EPYC: variants seen among roughly 807,000 people sequenced by gnomAD.
EPYC encodes the protein dermatan sulfate proteoglycan 3.
In EPYC, 28 loss-of-function variants were observed where a neutral mutation model predicts 30.1. The observed-to-expected ratio is 0.93, with a 90% CI of 0.69 to 1.28. The LOEUF (loss-of-function observed/expected upper bound fraction) is 1.28, where lower values mean the gene tolerates loss of function less well. Among genes scored for constraint, EPYC ranks in the 50% most tolerant of loss-of-function variants. EPYC has a pLI of 0.00. For missense variants in EPYC, 382 were observed against 383.5 expected, an observed-to-expected ratio of 1.00 and a Z score of 0.03; for synonymous variants, 144 against 141.4, an observed-to-expected ratio of 1.02 and a Z score of -0.13.
intron 2 of EPYC, among the ~76,000 whole-genome samples, chr12:90,986,748 C>A (rs1197882434): frequency 6.6e-6 from 1 of 152,006 alleles, no homozygotes; most frequent in Non-Finnish European, 1.5e-5. Flanking sequence ...ACATCGGAAC[C>A]CATATATCTG....
At chr12:90,967,994 T>C (rs1592621502) in intron 6 of EPYC, among the ~76,000 whole-genome samples, 1 of 152,118 alleles carries the variant, frequency 6.6e-6, no homozygotes, top group East Asian at 1.9e-4. Flanking sequence ...AATTAAAAAA[T>C]AAAAATAAGA....
chr12:90,975,056 A>G (rs1877149591), intron 3 of EPYC, among the ~76,000 whole-genome samples: 1 of 152,168 alleles, frequency 6.6e-6, no homozygotes, highest in South Asian at 2.1e-4. Flanking sequence ...TTTGTAATCA[A>G]GAACTAATAA....
At chr12:90,966,418 TTATTC>T (rs1377306981) in intron 6 of EPYC, among the ~76,000 whole-genome samples, 2 of 152,084 alleles carry the variant, frequency 1.3e-5, no homozygotes, top group Non-Finnish European at 2.9e-5. Context: ...TTTAAGCCCT[TTATTC>T]TATTAATATA....
chr12:91,000,402 G>A (rs1367081602), intron 2 of EPYC, among the ~76,000 whole-genome samples: 1 of 152,062 alleles, frequency 6.6e-6, no homozygotes, highest in Non-Finnish European at 1.5e-5. Flanking sequence ...ATTAAGTAAT[G>A]TTTATACAGA....
chr12:90,997,856 T>C (rs1877730928), intron 2 of EPYC, among the ~76,000 whole-genome samples: 1 of 152,076 alleles, frequency 6.6e-6, no homozygotes, highest in South Asian at 2.1e-4. Flanking sequence ...TTTCTTTTCC[T>C]TTTGGGAGTC....
chr12:91,002,532 C>G lies in EPYC; in HGVS notation c.34G>C (p.Val12Leu). 6.2e-7 allele frequency: 1 copy of G among 1,612,942 alleles called. No individual in the cohort carries two copies. The highest frequency in any genetic ancestry group is 1.3e-5 in the African/African-American group (1 of 74,978). Residue 12 changes from valine to leucine, a missense_variant, in exon 2 of 7, where the codon GTC becomes CTC. Transcript: ENST00000261172. ...KTLAGLVLGL[V>L]IFDAAVTAPT... ...GCAGTCACAGCAGCATCAAAGATGACAAGTCCCAGAACAAGTCCTGCTAAT... is the reference window on the plus strand; with the variant it reads ...GCAGTCACAGCAGCATCAAAGATGAGAAGTCCCAGAACAAGTCCTGCTAAT...
At chr12:91,000,846 A>G (rs1877806603) in intron 2 of EPYC, among the ~76,000 whole-genome samples, 1 of 152,146 alleles carries the variant, frequency 6.6e-6, no homozygotes, top group African/African-American at 2.4e-5. Context: ...AAGGCAGATG[A>G]ATTAACCACT....
chr12:90,970,161 G>T (rs1475308422), intron 5 of EPYC, 22 bp from the exon 6 acceptor site: 1 of 1,547,066 alleles, frequency 6.5e-7, no homozygotes, highest in Non-Finnish European at 8.9e-7. Context: ...CCAAATGTGG[G>T]AACTCAATAA....
At chr12:90,998,328 A>T (rs1165055237) in intron 2 of EPYC, among the ~76,000 whole-genome samples, 3 of 152,094 alleles carry the variant, frequency 2.0e-5, no homozygotes, top group Non-Finnish European at 2.9e-5. Context: ...TGTCACACCA[A>T]TAAATGTACT....
intron 1 of EPYC, among the ~76,000 whole-genome samples, chr12:91,002,832 AT>A: frequency 6.7e-6 from 1 of 148,536 alleles, no homozygotes; most frequent in South Asian, 2.2e-4. Context: ...ATTTTATTTT[AT>A]TTTATAGAGA....
Position 90,970,148 on chromosome 12 carries a change from A to G in EPYC, c.703-9T>C, listed in dbSNP as rs368791329. On this transcript the variant is annotated splice_polypyrimidine_tract_variant and intron_variant, in intron 5 of 6. Transcript: ENST00000261172. ...TGGAGATCATACATGTCCTGTAAAC[A>G]TTCCAAATGTGGGAACTCAATAAAA... 1.3e-6 allele frequency: 2 copies of G among 1,595,452 alleles called. No homozygotes were observed. Among genetic ancestry groups the G allele is most frequent in the Non-Finnish European group, 1.7e-6 (2 of 1,164,988 alleles).
At chr12:90,986,498 T>A (rs985349350) in intron 2 of EPYC, among the ~76,000 whole-genome samples, 2 of 152,112 alleles carry the variant, frequency 1.3e-5, no homozygotes, top group Admixed American at 1.3e-4. Context: ...CGCTCTCAAA[T>A]ACCAGAGGAA....
intron 2 of EPYC, among the ~76,000 whole-genome samples, chr12:90,979,897 A>G (rs1366440144): frequency 1.3e-5 from 2 of 152,208 alleles, no homozygotes; most frequent in African/African-American, 4.8e-5. Flanking sequence ...ATGTGCTAAT[A>G]CTTACTTTAA....
chr12:90,975,332 C>CT (rs1877156079), intron 3 of EPYC, among the ~76,000 whole-genome samples: 1 of 151,760 alleles, frequency 6.6e-6, no homozygotes, highest in Non-Finnish European at 1.5e-5. Flanking sequence ...TATTTTAATT[C>CT]TAAGTTTTTC....
At chr12:90,971,249 C>T (rs1877036530) in intron 5 of EPYC, among the ~76,000 whole-genome samples, 1 of 152,144 alleles carries the variant, frequency 6.6e-6, no homozygotes, top group Non-Finnish European at 1.5e-5. Context: ...ACTTCTTATT[C>T]TGGCCCTGCT....
chr12:91,001,447 G>A (rs1000961330), intron 2 of EPYC, among the ~76,000 whole-genome samples: 6 of 152,058 alleles, frequency 3.9e-5, no homozygotes, highest in Admixed American at 3.9e-4. Flanking sequence ...GTCTTTGTCA[G>A]TGTTGCACAT....
At chr12:90,972,367 T>A (rs1353485346) in intron 4 of EPYC, among the ~76,000 whole-genome samples, 1 of 152,202 alleles carries the variant, frequency 6.6e-6, no homozygotes, top group Non-Finnish European at 1.5e-5. Flanking sequence ...ATTAAAACAC[T>A]TTATGACAAC....
chr12:90,990,423 A>G (rs1157004833), intron 2 of EPYC, among the ~76,000 whole-genome samples: 1 of 152,154 alleles, frequency 6.6e-6, no homozygotes, highest in Non-Finnish European at 1.5e-5. Context: ...GGACCAGGTA[A>G]TCGCCAATTG....
At chr12:90,973,446 G>GT (rs1446414915) in intron 3 of EPYC, among the ~76,000 whole-genome samples, 1 of 152,172 alleles carries the variant, frequency 6.6e-6, no homozygotes, top group Non-Finnish European at 1.5e-5. Context: ...TGAAACAGTG[G>GT]TGAGCACAAA....
Sources: gnomAD v4.1 joint callset for allele counts (sites outside exome capture counted in the v4.1 genomes callset) on GRCh38, gnomAD v4.1.1 for gene constraint, MANE v1.5 for transcripts, NCBI Gene and HGNC (gene_info 2026-07-23, HGNC 2026-07-21) for gene names.